Variants in MDGA2 observed in about 807,000 individuals in gnomAD.
MDGA2 encodes the protein MAM domain-containing glycosylphosphatidylinositol anchor protein 2.
MDGA2 carries 40 observed loss-of-function variants against 117.8 expected under a neutral mutation model. That is an observed-to-expected ratio of 0.34 (90% confidence interval 0.26 to 0.44). The LOEUF is 0.44. Among genes scored for constraint, MDGA2 ranks in the 20% least tolerant of loss-of-function variants. The probability of loss-of-function intolerance (pLI) is 1.00; values close to 1 mark genes in which losing one functional copy is unlikely to be tolerated. For synonymous variants in MDGA2, 452 were observed against 439.0 expected, an observed-to-expected ratio of 1.03 and a Z score of -0.37; for missense variants, 1,123 against 1,250.6, an observed-to-expected ratio of 0.90 and a Z score of 1.54.
intron 4 of MDGA2, among the ~76,000 whole-genome samples, chr14:47,140,813 T>C (rs1882685781): frequency 1.3e-5 from 2 of 152,116 alleles, no homozygotes; most frequent in Non-Finnish European, 2.9e-5. Flanking sequence ...AGAATTATAT[T>C]GAACTAAAAA....
chr14:47,207,102 T>G (rs1452324460), intron 3 of MDGA2, among the ~76,000 whole-genome samples: 3 of 151,984 alleles, frequency 2.0e-5, no homozygotes. Flanking sequence ...AGTTGTTCAT[T>G]TGGACATAGT....
intron 14 of MDGA2, among the ~76,000 whole-genome samples, chr14:46,872,177 T>A (rs1882031348): frequency 6.6e-6 from 1 of 151,946 alleles, no homozygotes; most frequent in African/African-American, 2.4e-5. Flanking sequence ...ACGTTCACTT[T>A]TACAAACTTA....
At chr14:47,295,477 C>T (rs1232231129) in intron 2 of MDGA2, among the ~76,000 whole-genome samples, 1 of 152,126 alleles carries the variant, frequency 6.6e-6, no homozygotes, top group Non-Finnish European at 1.5e-5. Context: ...TAACTAAAAT[C>T]TCAACATTTA....
chr14:47,015,927 T>C (rs984226768), intron 8 of MDGA2, among the ~76,000 whole-genome samples: 1 of 151,890 alleles, frequency 6.6e-6, no homozygotes, highest in Non-Finnish European at 1.5e-5. Context: ...GTTATAATGA[T>C]CAAGCAAAAG....
intron 1 of MDGA2, among the ~76,000 whole-genome samples, chr14:47,563,578 G>GTTTTTTTTTTTTTTTTTTGTTTT (rs1895857498): frequency 1.8e-5 from 1 of 56,974 alleles, no homozygotes; most frequent in African/African-American, 9.5e-5. Context: ...GCTTTTTTCT[G>GTTTTTTTTTTTTTTTTTTGTTTT]TTTTTTTTTT....
chr14:46,875,620 T>C lies in MDGA2; in HGVS notation c.2438-1420A>G, dbSNP rs577751323. On this transcript the variant is annotated intron_variant, in intron 12 of 16. Transcript: ENST00000399232. ...TTGATGCTATCAGTTGGAAAAATAATGTTGGTAACAGCAGTGTAGCAGTGT... is the reference window on the plus strand; with the variant it reads ...TTGATGCTATCAGTTGGAAAAATAACGTTGGTAACAGCAGTGTAGCAGTGT... 2.6e-5 allele frequency among the ~76,000 whole-genome samples: 4 copies of C among 151,834 alleles called. No individual in the cohort carries two copies. The South Asian group carries it at 8.3e-4, about 31-fold the overall frequency.
chr14:47,276,923 C>T (rs1241623452), intron 2 of MDGA2, among the ~76,000 whole-genome samples: 2 of 152,118 alleles, frequency 1.3e-5, no homozygotes, highest in Non-Finnish European at 2.9e-5. Flanking sequence ...ATTTAGCAGT[C>T]CTAGGTTACT....
chr14:47,328,944 A>G (rs1261345679), intron 1 of MDGA2, among the ~76,000 whole-genome samples: 1 of 152,202 alleles, frequency 6.6e-6, no homozygotes, highest in Admixed American at 6.6e-5. Context: ...CATTGTGGAT[A>G]CAGTAAATAG....
intron 1 of MDGA2, among the ~76,000 whole-genome samples, chr14:47,472,285 T>C (rs1041381022): frequency 3.3e-5 from 5 of 152,174 alleles, no homozygotes; most frequent in Non-Finnish European, 7.3e-5. Context: ...GGCAATTCTG[T>C]CATTGTGCAA....
At chr14:47,509,866 C>T (rs867853139) in intron 1 of MDGA2, among the ~76,000 whole-genome samples, 4 of 152,120 alleles carry the variant, frequency 2.6e-5, no homozygotes, top group African/African-American at 4.8e-5. Flanking sequence ...AGGGATGAAT[C>T]GTACCTTGAG....
At chr14:46,854,882 T>G (rs765716170) in intron 15 of MDGA2, 142 bp downstream of exon 15, 100 of 684,528 alleles carry the variant, frequency 1.5e-4, no homozygotes, top group Admixed American at 2.0e-4. Flanking sequence ...CTTTTAGAAC[T>G]AAAGCAAAAC....
intron 1 of MDGA2, among the ~76,000 whole-genome samples, chr14:47,370,893 G>T (rs966724806): frequency 6.6e-6 from 1 of 151,490 alleles, no homozygotes; most frequent in African/African-American, 2.4e-5. Flanking sequence ...ATATTTTTCT[G>T]ATTAATACTG....
intron 10 of MDGA2, among the ~76,000 whole-genome samples, chr14:46,887,517 T>C (rs1437330057): frequency 6.6e-6 from 1 of 152,016 alleles, no homozygotes; most frequent in Non-Finnish European, 1.5e-5. Flanking sequence ...AACGCCAGCA[T>C]ACAATGTATT....
intron 9 of MDGA2, among the ~76,000 whole-genome samples, chr14:46,952,212 A>G (rs1376685757): frequency 6.6e-6 from 1 of 151,394 alleles, no homozygotes; most frequent in African/African-American, 2.4e-5. Flanking sequence ...AAGCAATACA[A>G]TAAAGTTATT....
At chr14:47,295,588 T>C (rs1889036970) in intron 2 of MDGA2, among the ~76,000 whole-genome samples, 1 of 152,142 alleles carries the variant, frequency 6.6e-6, no homozygotes, top group South Asian at 2.1e-4. Flanking sequence ...TATAAAGGAA[T>C]GACCTGCTCA....
chr14:47,618,110 T>C (rs908978336), intron 1 of MDGA2, among the ~76,000 whole-genome samples: 38 of 152,056 alleles, frequency 2.5e-4, no homozygotes, highest in Non-Finnish European at 5.0e-4. Context: ...TTATCATCAT[T>C]ATGGCCAAAA....
At chr14:47,254,141 G>A (rs187364613) in intron 2 of MDGA2, among the ~76,000 whole-genome samples, 1 of 152,286 alleles carries the variant, frequency 6.6e-6, no homozygotes, top group Non-Finnish European at 1.5e-5. Flanking sequence ...TGATGGGAGA[G>A]GCTGCCATGA....
chr14:47,023,205 A>AAAAAAAAAAG (rs750411553), intron 8 of MDGA2, among the ~76,000 whole-genome samples: 18,065 of 145,896 alleles, frequency 0.12, 1,355 homozygotes, highest in African/African-American at 0.2. Context: ...TCGTAAAAAA[A>AAAAAAAAAAG]AAAAAAAAAA....
At chr14:46,879,350 T>A (rs1882356308) in intron 11 of MDGA2, among the ~76,000 whole-genome samples, 1 of 152,044 alleles carries the variant, frequency 6.6e-6, no homozygotes, top group Admixed American at 6.6e-5. Flanking sequence ...GAGAAATAAG[T>A]TTGTGTTGTT....
Sources: gnomAD v4.1 joint callset for allele counts (sites outside exome capture counted in the v4.1 genomes callset) on GRCh38, gnomAD v4.1.1 for gene constraint, MANE v1.5 for transcripts, NCBI Gene and HGNC (gene_info 2026-07-23, HGNC 2026-07-21) for gene names.